PLCG2: variants seen among roughly 807,000 people sequenced by gnomAD.
The protein encoded by PLCG2 is 1-phosphatidylinositol 4,5-bisphosphate phosphodiesterase gamma-2.
In PLCG2, 69 loss-of-function variants were observed where a neutral mutation model predicts 175.6. The ratio of observed to expected loss-of-function variants is 0.39; its 90% CI spans 0.32 to 0.48. The LOEUF (loss-of-function observed/expected upper bound fraction) is 0.48, where lower values mean the gene tolerates loss of function less well. Ranked by LOEUF, PLCG2 falls within the 20% of genes least tolerant of loss-of-function variation. The pLI is 0.91. For missense variants in PLCG2, 1,798 were observed against 1,650.9 expected (o/e 1.09, Z -1.54); for synonymous variants, 827 against 624.0 (o/e 1.33, Z -4.85).
intron 2 of PLCG2, among the ~76,000 whole-genome samples, chr16:81,824,348 G>A (rs1200969356): frequency 6.6e-6 from 1 of 152,146 alleles, no homozygotes; most frequent in African/African-American, 2.4e-5. Flanking sequence ...TGGCCAGGCT[G>A]GTCTTGAACT....
At chr16:81,755,198 T>TTA (rs1909896325) in intron 1 of PLCG2, among the ~76,000 whole-genome samples, 1 of 151,842 alleles carries the variant, frequency 6.6e-6, no homozygotes, top group African/African-American at 2.4e-5. Context: ...TTATTTTTAT[T>TTA]TATATATATA....
chr16:81,744,094 G>A (rs1204678088), intron 1 of PLCG2, among the ~76,000 whole-genome samples: 4 of 150,288 alleles, frequency 2.7e-5, no homozygotes, highest in Non-Finnish European at 5.9e-5. Flanking sequence ...TCCTGACCTC[G>A]TAATCCACCC....
At chr16:81,846,950 C>G (rs1171152039) in intron 2 of PLCG2, among the ~76,000 whole-genome samples, 1 of 152,102 alleles carries the variant, frequency 6.6e-6, no homozygotes. Context: ...GTTTGGTGTC[C>G]TCTAGTTCAG....
intron 8 of PLCG2, among the ~76,000 whole-genome samples, chr16:81,881,768 C>T (rs944726366): frequency 6.6e-5 from 10 of 152,068 alleles, no homozygotes; most frequent in African/African-American, 1.9e-4. Context: ...CCTCATCCTC[C>T]GAATAGCTGG....
At chr16:81,871,097 T>C (rs1195531444) in intron 7 of PLCG2, among the ~76,000 whole-genome samples, 162 bp downstream of exon 7, 1 of 152,180 alleles carries the variant, frequency 6.6e-6, no homozygotes, top group Non-Finnish European at 1.5e-5. Flanking sequence ...ATCCATTAGA[T>C]TGGCAAAATT....
intron 2 of PLCG2, among the ~76,000 whole-genome samples, chr16:81,830,074 C>G (rs146473829): frequency 0.083 from 12,560 of 151,992 alleles, 596 homozygotes; most frequent in Middle Eastern, 0.13. Context: ...AATCTCAGCA[C>G]TTTGGGAGGC....
chr16:81,789,024 CA>C (rs1460828024), intron 2 of PLCG2, among the ~76,000 whole-genome samples: 1 of 152,206 alleles, frequency 6.6e-6, no homozygotes, highest in African/African-American at 2.4e-5. Flanking sequence ...CAGAAACACC[CA>C]GGGGGGATCT....
intron 2 of PLCG2, among the ~76,000 whole-genome samples, chr16:81,768,552 GTTTTTTTT>G (rs769292122): frequency 5.6e-4 from 59 of 105,416 alleles, no homozygotes; most frequent in African/African-American, 2.1e-3. Flanking sequence ...GTTATCCTCA[GTTTTTTTT>G]TTTTTTTTTT....
chr16:81,855,642 G>A (rs1463639125), intron 3 of PLCG2, among the ~76,000 whole-genome samples: 1 of 152,242 alleles, frequency 6.6e-6, no homozygotes, highest in Non-Finnish European at 1.5e-5. Flanking sequence ...TGGGGAGACA[G>A]ATGTGTGTAC....
intron 2 of PLCG2, among the ~76,000 whole-genome samples, chr16:81,822,041 A>G (rs1156232604): frequency 6.6e-6 from 1 of 152,186 alleles, no homozygotes; most frequent in Non-Finnish European, 1.5e-5. Flanking sequence ...TCCAGTGTGT[A>G]TGCAAAGCAC....
At chr16:81,855,518 A>G (rs1906639467) in intron 3 of PLCG2, among the ~76,000 whole-genome samples, 4 of 152,240 alleles carry the variant, frequency 2.6e-5, no homozygotes, top group Admixed American at 2.6e-4. Context: ...TTTCTCATTC[A>G]TTCTTTTACT....
chr16:81,761,666 A>G (rs114838717), intron 2 of PLCG2, among the ~76,000 whole-genome samples: 2,349 of 152,290 alleles, frequency 0.015, 63 homozygotes, highest in African/African-American at 0.053. Flanking sequence ...GTTAACAGAC[A>G]TAAGGCTTAG....
At chr16:81,903,964 T>G (rs1337083205) in intron 14 of PLCG2, among the ~76,000 whole-genome samples, 3 of 152,184 alleles carry the variant, frequency 2.0e-5, no homozygotes, top group Non-Finnish European at 4.4e-5. Context: ...CTAGGCGTGG[T>G]CATATGTATC....
At chr16:81,791,517 A>T (rs750003619) in intron 2 of PLCG2, among the ~76,000 whole-genome samples, 1 of 152,176 alleles carries the variant, frequency 6.6e-6, no homozygotes, top group African/African-American at 2.4e-5. Context: ...TCACTCACAC[A>T]TCTGATACCT....
chr16:81,911,600 A>AT (rs972975192), intron 18 of PLCG2, among the ~76,000 whole-genome samples: 10 of 24,586 alleles, frequency 4.1e-4, no homozygotes, highest in Non-Finnish European at 7.0e-4. Flanking sequence ...TGCCCAGCTA[A>AT]TTAATTAATT....
At chr16:81,900,812 C>T (rs748026647) in intron 14 of PLCG2, 32 bp downstream of exon 14, 4 of 1,577,886 alleles carry the variant, frequency 2.5e-6, no homozygotes, top group Non-Finnish European at 3.5e-6. Flanking sequence ...GTTGGCTGTC[C>T]AGGGAGCCCA....
At chr16:81,938,116 A>G (rs1300788866) in intron 28 of PLCG2, among the ~76,000 whole-genome samples, 2 of 152,160 alleles carry the variant, frequency 1.3e-5, no homozygotes, top group Non-Finnish European at 2.9e-5. Context: ...AACCTCCTCA[A>G]ACCCACTTCC....
intron 2 of PLCG2, among the ~76,000 whole-genome samples, chr16:81,824,881 A>G (rs2143353482): frequency 6.6e-6 from 1 of 152,292 alleles, no homozygotes; most frequent in African/African-American, 2.4e-5. Context: ...AGATGGGGAG[A>G]TTCTCCTGCA....
At chr16:81,744,326 G>C (rs1909661485) in intron 1 of PLCG2, among the ~76,000 whole-genome samples, 1 of 151,556 alleles carries the variant, frequency 6.6e-6, no homozygotes, top group Non-Finnish European at 1.5e-5. Context: ...CACCAAGCCT[G>C]GCTAATTTTT....
Sources: gnomAD v4.1 joint callset for allele counts (sites outside exome capture counted in the v4.1 genomes callset) on GRCh38, gnomAD v4.1.1 for gene constraint, MANE v1.5 for transcripts, NCBI Gene and HGNC (gene_info 2026-07-23, HGNC 2026-07-21) for gene names.